IQSEC2: variants seen among roughly 807,000 people sequenced by gnomAD.
IQSEC2 encodes IQ motif and SEC7 domain-containing protein 2.
IQSEC2 carries 6 observed loss-of-function variants against 74.6 expected under a neutral mutation model. The observed-to-expected ratio is 0.08, with a 90% CI of 0.04 to 0.16. IQSEC2 has a LOEUF of 0.16. Ranked by LOEUF, IQSEC2 falls within the 10% of genes least tolerant of loss-of-function variation. The pLI is 1.00. For missense variants in IQSEC2, 734 were observed against 1,306.2 expected (o/e 0.56, Z 6.75); for synonymous variants, 494 against 544.5 (o/e 0.91, Z 1.29).
chrX:53,306,235 C>T (rs1477320199), intron 1 of IQSEC2, among the ~76,000 whole-genome samples: 2 of 111,925 alleles, frequency 1.8e-5, no homozygotes, highest in Non-Finnish European at 3.8e-5. Context: ...GGCTGGGCTG[C>T]CCTCCAAGCA....
At chrX:53,289,112 A>T (rs2075064199) in intron 2 of IQSEC2, among the ~76,000 whole-genome samples, 1 of 104,259 alleles carries the variant, frequency 9.6e-6, no homozygotes, top group Admixed American at 9.7e-5. Flanking sequence ...TTCCCATAAA[A>T]GCCCAGGCCT....
chrX:53,312,584 TTAA>T (rs1460230351), intron 1 of IQSEC2, among the ~76,000 whole-genome samples: 1 of 112,328 alleles, frequency 8.9e-6, no homozygotes, highest in African/African-American at 3.2e-5. Context: ...AGAGTTATTA[TTAA>T]TAATAATGGC....
chrX:53,259,499 C>T (rs1179449727), intron 2 of IQSEC2, among the ~76,000 whole-genome samples: 3 of 106,867 alleles, frequency 2.8e-5, no homozygotes, highest in Admixed American at 2.0e-4. Flanking sequence ...AGTGAGACTC[C>T]ATCTCAAAAA....
rs782101809 is a variant in IQSEC2 at position 53,239,179 on chromosome X, C to A, written c.3115+16G>T. On this transcript the variant is annotated intron_variant, in intron 11 of 14. Transcript: ENST00000642864. ...GACATAGACTCTCAGGAGCTGGGAT[C>A]CAAGAAGGGACTCACATGAATTCTG... 8.8e-7 allele frequency: 1 copy of A among 1,141,037 alleles called. No individual in the cohort carries two copies. Among genetic ancestry groups the A allele is most frequent in the East Asian group, 3.0e-5 (1 of 33,467 alleles). 94.0% of individuals were successfully genotyped at this position (1,141,037 alleles called of 1,213,427 possible).
intron 2 of IQSEC2, chrX:53,279,551 G>C (rs781838022): frequency 9.1e-7 from 1 of 1,101,456 alleles, no homozygotes; most frequent in Non-Finnish European, 1.3e-6. Flanking sequence ...GGAGGGATGG[G>C]TCTAGCTCTT....
Position 53,234,672 on chromosome X carries a change from C to G in IQSEC2, c.4014G>C (p.Arg1338=). The G allele has an allele frequency of 3.5e-6, 4 of 1,138,293 alleles. No homozygotes were observed. Among genetic ancestry groups the G allele is most frequent in the Non-Finnish European group, 4.7e-6 (4 of 858,406 alleles). 93.8% of individuals were successfully genotyped at this position (1,138,293 alleles called of 1,213,427 possible). The change falls in exon 15 of 15, where the codon CGG becomes CGC. Residue 1338 remains arginine, a synonymous_variant. Transcript: ENST00000642864. ...CCCCCCGTCTGGGTGCCCTGCCTGG[C>G]CGGCCCAAGGTATAGTGTTGGGGCC... ...VPGPQHYTLG[R]PGRAPRRGAG...
chrX:53,278,978 C>G (rs2074890805), intron 2 of IQSEC2, among the ~76,000 whole-genome samples: 1 of 111,795 alleles, frequency 8.9e-6, no homozygotes, highest in African/African-American at 3.3e-5. Context: ...GAGTTCGAGA[C>G]CAGCCTGGCC....
intron 6 of IQSEC2, 93 bp from the exon 7 acceptor site, chrX:53,248,329 C>CTGAT: frequency 9.6e-7 from 1 of 1,045,377 alleles, no homozygotes; most frequent in Non-Finnish European, 1.3e-6. Flanking sequence ...AACACCCCCA[C>CTGAT]TGATAGACTC....
chrX:53,237,725 C>T (rs1370361152), intron 12 of IQSEC2: 1 of 184,159 alleles, frequency 5.4e-6, no homozygotes, highest in Non-Finnish European at 1.0e-5. Context: ...ATTTCGGCTA[C>T]CTTGTCTCAT....
chrX:53,297,278 G>A (rs1277743016), intron 1 of IQSEC2, among the ~76,000 whole-genome samples: 1 of 111,375 alleles, frequency 9.0e-6, no homozygotes, highest in East Asian at 2.8e-4. Flanking sequence ...GACATACTAT[G>A]ATTACATTTC....
At position 53,287,864 on chromosome X, in the gene IQSEC2, T is replaced by G. The variant is rs963837562; in HGVS notation, c.737+4031A>C. On this transcript the variant is annotated intron_variant, in intron 2 of 14. Transcript: ENST00000642864. ...AGAAGAGAAACCTCTTACCCCTTCT[T>G]GCCCTTCTTTAGCTTCCTGGAAAGT... Among the ~76,000 whole-genome samples, 24 of 111,852 alleles carry G rather than the reference T, an allele frequency of 2.1e-4. No homozygotes were observed. In the Admixed American group the frequency reaches 2.2e-3, roughly 10 times the overall value.
rs1223776672 is a variant in IQSEC2 at position 53,238,424 on chromosome X, G to A, written c.3116-118C>T. The A allele has an allele frequency of 1.3e-5, 9 of 709,244 alleles. No homozygotes were observed. The Admixed American group carries it at 1.3e-4, about 10-fold the overall frequency. The allele number at this position is 709,244 out of a possible 1,213,427, so 58.4% of individuals were successfully genotyped here. ...TGAGACAACATCTCTCTGTCACCCAGGCTGGAGTGCAGTGGTGCCATCATG... is the reference window on the plus strand; with the variant it reads ...TGAGACAACATCTCTCTGTCACCCAAGCTGGAGTGCAGTGGTGCCATCATG... On this transcript the variant is annotated intron_variant, in intron 11 of 14. Transcript: ENST00000642864.
chrX:53,288,847 C>T (rs782744098), intron 2 of IQSEC2, among the ~76,000 whole-genome samples: 158 of 112,012 alleles, frequency 1.4e-3, no homozygotes, highest in South Asian at 4.8e-3. Flanking sequence ...TTTGTGACCT[C>T]GAGCGATGGC....
intron 2 of IQSEC2, among the ~76,000 whole-genome samples, chrX:53,278,924 T>G (rs2074888484): frequency 1.8e-5 from 2 of 112,424 alleles, no homozygotes; most frequent in African/African-American, 6.5e-5. Context: ...ACACCTGTAA[T>G]CCCAACACTT....
At chrX:53,274,772 C>T (rs1457422428) in intron 2 of IQSEC2, among the ~76,000 whole-genome samples, 1 of 111,086 alleles carries the variant, frequency 9.0e-6, no homozygotes, top group Non-Finnish European at 1.9e-5. Flanking sequence ...GCTTTAGCTG[C>T]ATTTCTTTAA....
chrX:53,252,465 C>T (rs782141411), intron 4 of IQSEC2, among the ~76,000 whole-genome samples: 34 of 111,046 alleles, frequency 3.1e-4, no homozygotes, highest in African/African-American at 9.5e-4. Context: ...ATCTTGAGCA[C>T]TCTTGGTCGC....
intron 1 of IQSEC2, among the ~76,000 whole-genome samples, chrX:53,316,621 G>C (rs1267638932): frequency 9.0e-6 from 1 of 111,207 alleles, no homozygotes; most frequent in Admixed American, 9.5e-5. Context: ...AGGAGTTTGA[G>C]ACCAGTCTGG....
downstream of IQSEC2, chrX:53,228,739 C>T (rs2084893599): frequency 8.9e-6 from 1 of 112,172 alleles, no homozygotes; most frequent in Admixed American, 9.5e-5. Context: ...TTCCACTCCT[C>T]CTGTGAGCCT....
At chrX:53,279,882 G>A (rs1339784026) in intron 2 of IQSEC2, 3 of 148,377 alleles carry the variant, frequency 2.0e-5, no homozygotes, top group Admixed American at 9.1e-5. Flanking sequence ...GAGAGAGGGA[G>A]GAAGATGGAG....
Sources: allele counts gnomAD v4.1 joint callset (sites outside exome capture counted in the v4.1 genomes callset), GRCh38; gene constraint gnomAD v4.1.1; transcripts MANE v1.5; gene names NCBI Gene and HGNC (gene_info 2026-07-23, HGNC 2026-07-21).